ATP8B4: variants seen among roughly 807,000 people sequenced by gnomAD.
ATP8B4 encodes the protein ATPase phospholipid transporting 8B4 (putative).
A neutral mutation model predicts 145.6 loss-of-function variants in ATP8B4; 133 were observed. The ratio of observed to expected loss-of-function variants is 0.91; its 90% CI spans 0.79 to 1.05. The LOEUF (loss-of-function observed/expected upper bound fraction) is 1.05. ATP8B4 is among the 50% of genes least tolerant of loss of function. The probability of loss-of-function intolerance (pLI) is 0.00; values close to 1 mark genes in which losing one functional copy is unlikely to be tolerated. For missense variants in ATP8B4, 1,458 were observed against 1,425.2 expected (o/e 1.02, Z -0.37); for synonymous variants, 507 against 492.9 (o/e 1.03, Z -0.38).
intron 6 of ATP8B4, among the ~76,000 whole-genome samples, chr15:50,022,960 T>C (rs2049700411): frequency 6.6e-6 from 1 of 152,214 alleles, no homozygotes; most frequent in South Asian, 2.1e-4. Context: ...TGGATATATC[T>C]ATATGATAAT....
intron 1 of ATP8B4, among the ~76,000 whole-genome samples, chr15:50,144,016 A>T (rs1328826298): frequency 6.6e-6 from 1 of 152,208 alleles, no homozygotes; most frequent in Non-Finnish European, 1.5e-5. Context: ...TTTGAGACCA[A>T]CTTCCTATCA....
intron 6 of ATP8B4, among the ~76,000 whole-genome samples, chr15:50,031,532 G>T (rs1303403769): frequency 6.6e-6 from 1 of 151,538 alleles, no homozygotes. Flanking sequence ...CTAAATGTGT[G>T]TAAGCTGCAA....
intron 20 of ATP8B4, chr15:49,901,724 T>C (rs1007194304): frequency 5.2e-6 from 2 of 383,362 alleles, no homozygotes; most frequent in African/African-American, 2.2e-5. Context: ...CAGCTTAAAA[T>C]AGTCCTCTGA....
chr15:50,087,858 A>G (rs2055323533), intron 2 of ATP8B4, among the ~76,000 whole-genome samples: 1 of 152,166 alleles, frequency 6.6e-6, no homozygotes, highest in African/African-American at 2.4e-5. Flanking sequence ...GTAACAAAAT[A>G]ATTGTTATAT....
At chr15:49,947,133 A>G (rs2042632277) in intron 14 of ATP8B4, among the ~76,000 whole-genome samples, 1 of 152,158 alleles carries the variant, frequency 6.6e-6, no homozygotes, top group Admixed American at 6.5e-5. Context: ...CACACTGAAA[A>G]TTAGAAAACA....
intron 1 of ATP8B4, among the ~76,000 whole-genome samples, chr15:50,108,515 C>T (rs1227782145): frequency 1.3e-5 from 2 of 152,176 alleles, no homozygotes; most frequent in African/African-American, 4.8e-5. Flanking sequence ...TGCTCCCATG[C>T]TTCCCTGCAC....
At chr15:50,063,247 G>T (rs2053154082) in intron 3 of ATP8B4, among the ~76,000 whole-genome samples, 1 of 151,962 alleles carries the variant, frequency 6.6e-6, no homozygotes, top group Non-Finnish European at 1.5e-5. Flanking sequence ...CTATAGGGAG[G>T]TCTCTAGTGA....
chr15:50,135,237 C>T (rs1182740262), intron 1 of ATP8B4, among the ~76,000 whole-genome samples: 4 of 152,146 alleles, frequency 2.6e-5, no homozygotes, highest in African/African-American at 7.2e-5. Flanking sequence ...GTTTTCTCTT[C>T]ATTAAATATT....
At chr15:49,863,139 T>A (rs1162755124) in intron 26 of ATP8B4, among the ~76,000 whole-genome samples, 1 of 152,178 alleles carries the variant, frequency 6.6e-6, no homozygotes, top group African/African-American at 2.4e-5. Context: ...CAGGACCAAC[T>A]TTTTAATTTC....
rs149684902 is a variant in ATP8B4 at position 49,892,079 on chromosome 15, G to A, written c.2697+5213C>T. Among the ~76,000 whole-genome samples the A allele has an allele frequency of 2.1e-3, 303 of 147,068 alleles. 1 individual carries two copies. Among genetic ancestry groups the A allele is most frequent in the African/African-American group, 7.5e-3 (295 of 39,446 alleles). On this transcript the variant is annotated intron_variant, in intron 23 of 27. Transcript: ENST00000284509. ...TGCAGTGAGCCGAGATCACACCACC[G>A]CACTCCAGCTTGGCAACAGAGCAAG...
intron 10 of ATP8B4, among the ~76,000 whole-genome samples, 193 bp from the exon 11 acceptor site, chr15:49,981,487 G>A (rs1284784569): frequency 1.3e-5 from 2 of 152,180 alleles, no homozygotes; most frequent in Non-Finnish European, 2.9e-5. Context: ...GAAGCTGCAA[G>A]AGATGTGATC....
intron 6 of ATP8B4, among the ~76,000 whole-genome samples, chr15:50,013,906 T>G (rs981747339): frequency 1.3e-4 from 20 of 152,274 alleles, no homozygotes; most frequent in African/African-American, 4.3e-4. Context: ...AAAATCTCCT[T>G]GAGAAAATGC....
intron 13 of ATP8B4, among the ~76,000 whole-genome samples, chr15:49,964,988 T>G (rs1197482282): frequency 1.3e-5 from 2 of 152,226 alleles, no homozygotes; most frequent in African/African-American, 4.8e-5. Context: ...AAGCAATATT[T>G]TTAGAAAGCC....
At chr15:50,014,830 T>C (rs2048970574) in intron 6 of ATP8B4, among the ~76,000 whole-genome samples, 1 of 152,144 alleles carries the variant, frequency 6.6e-6, no homozygotes, top group African/African-American at 2.4e-5. Flanking sequence ...GACACTGAGG[T>C]TCATAGAAAT....
chr15:50,028,960 C>T (rs2050208548), intron 6 of ATP8B4, among the ~76,000 whole-genome samples: 2 of 152,180 alleles, frequency 1.3e-5, no homozygotes, highest in South Asian at 2.1e-4. Flanking sequence ...TTTGGCCGGG[C>T]GCAGTGGCTC....
At chr15:50,018,001 T>TC (rs1389313656) in intron 6 of ATP8B4, among the ~76,000 whole-genome samples, 1 of 148,620 alleles carries the variant, frequency 6.7e-6, no homozygotes, top group African/African-American at 2.6e-5. Flanking sequence ...CTTTTTTTTT[T>TC]TTTTGAAACG....
chr15:50,163,534 A>G (rs533036958), intron 1 of ATP8B4, among the ~76,000 whole-genome samples: 2 of 152,300 alleles, frequency 1.3e-5, no homozygotes, highest in South Asian at 4.1e-4. Flanking sequence ...AAGGTGACAC[A>G]AGCACCCCAG....
chr15:50,143,470 G>A (rs28488704), intron 1 of ATP8B4, among the ~76,000 whole-genome samples: 4,454 of 152,326 alleles, frequency 0.029, 215 homozygotes, highest in African/African-American at 0.1. Flanking sequence ...CATGCAGCTG[G>A]CTCTCCTCAA....
intron 2 of ATP8B4, among the ~76,000 whole-genome samples, chr15:50,077,463 A>T (rs1165976696): frequency 1.3e-5 from 2 of 152,206 alleles, no homozygotes; most frequent in East Asian, 3.9e-4. Context: ...CTGGGAGAAA[A>T]AAGATAGAAA....
Sources: allele counts gnomAD v4.1 joint callset (sites outside exome capture counted in the v4.1 genomes callset), GRCh38; gene constraint gnomAD v4.1.1; transcripts MANE v1.5; gene names NCBI Gene and HGNC (gene_info 2026-07-23, HGNC 2026-07-21).